NEMP2: variants seen among roughly 807,000 people sequenced by gnomAD.
NEMP2 encodes UPF0571 transmembrane protein.
In NEMP2, 53 loss-of-function variants were observed where a neutral mutation model predicts 54.2. The ratio of observed to expected loss-of-function variants is 0.98; its 90% CI spans 0.78 to 1.23. NEMP2 has a LOEUF of 1.23. Ranked by LOEUF, NEMP2 falls within the 50% of genes most tolerant of loss-of-function variation. The pLI is 0.00. For synonymous variants in NEMP2, 197 were observed against 190.3 expected (o/e 1.04, Z -0.29); for missense variants, 455 against 511.3 (o/e 0.89, Z 1.06).
the NEMP2 span, among the ~76,000 whole-genome samples, chr2:190,471,614 G>A: frequency 2.0e-5 from 3 of 152,200 alleles, no homozygotes; most frequent in Admixed American, 2.0e-4. This position sits in a 1 kb window ranked among gnomAD's most constrained non-coding sequence, Gnocchi z 4.7. Flanking sequence ...ACTGGGTGGA[G>A]CCCACCACAG....
the NEMP2 span, among the ~76,000 whole-genome samples, chr2:190,602,751 G>C: frequency 1.3e-5 from 2 of 152,204 alleles, no homozygotes; most frequent in Non-Finnish European, 2.9e-5. Flanking sequence ...GCAGAGAATG[G>C]GGAGAAAGGC....
intron 3 of NEMP2, 52 bp downstream of exon 3, chr2:190,518,900 T>A (rs1294743220): frequency 1.3e-6 from 2 of 1,520,010 alleles, no homozygotes; most frequent in Non-Finnish European, 1.8e-6. Flanking sequence ...ATTGAAAAGT[T>A]ACTCCAGAAA....
At chr2:190,423,642 G>A in the NEMP2 span, among the ~76,000 whole-genome samples, 1 of 152,026 alleles carries the variant, frequency 6.6e-6, no homozygotes, top group Non-Finnish European at 1.5e-5. This position sits in a 1 kb window ranked among gnomAD's most constrained non-coding sequence, Gnocchi z 4.3. Context: ...TCATTTATCT[G>A]GAATAAATTC....
At chr2:190,641,789 G>A in the NEMP2 span, among the ~76,000 whole-genome samples, 1 of 152,174 alleles carries the variant, frequency 6.6e-6, no homozygotes, top group Non-Finnish European at 1.5e-5. Flanking sequence ...GTGGATGCTG[G>A]GAGAAAAGGG....
the NEMP2 span, among the ~76,000 whole-genome samples, chr2:190,616,552 A>G: frequency 3.9e-5 from 6 of 152,210 alleles, no homozygotes; most frequent in Admixed American, 3.9e-4. The surrounding 1 kb of genome is among the most constrained non-coding windows in gnomAD (Gnocchi z 5.1). Context: ...AGCTTTATAA[A>G]CAGTGGCTTA....
chr2:190,612,534 C>A, the NEMP2 span, among the ~76,000 whole-genome samples: 6 of 152,118 alleles, frequency 3.9e-5, no homozygotes, highest in Admixed American at 3.3e-4. Context: ...TATAAAATAT[C>A]TTTTCTTTAA....
the NEMP2 span, among the ~76,000 whole-genome samples, chr2:190,637,995 G>A: frequency 6.6e-6 from 1 of 152,312 alleles, no homozygotes; most frequent in Middle Eastern, 3.4e-3. The surrounding 1 kb of genome is among the most constrained non-coding windows in gnomAD (Gnocchi z 4.5). Flanking sequence ...GCAGACATCA[G>A]TAACACACTG....
At position 190,509,106 on chromosome 2, in the gene NEMP2, G is replaced by T; in HGVS notation, c.*83C>A. 3.3e-6 allele frequency: 5 copies of T among 1,515,496 alleles called. No homozygotes were observed. The highest frequency in any genetic ancestry group is 4.4e-6 in the Non-Finnish European group (5 of 1,127,424). 93.9% of individuals were successfully genotyped at this position (1,515,496 alleles called of 1,614,324 possible). A position where few individuals can be genotyped will look rare whatever the true frequency, so the allele number is the denominator to read the frequency against. On this transcript the variant is annotated 3_prime_UTR_variant, in exon 9 of 9. Transcript: ENST00000409150. The surrounding 1 kb of genome is among the most constrained non-coding windows in gnomAD (Gnocchi z 6.1). ...CAAATGTTTTTGCCACCGTTCACTA[G>T]AACAGTTCTGCCTAACTTTAATAGA... is the stretch of plus-strand genomic sequence containing the variant.
the NEMP2 span, among the ~76,000 whole-genome samples, chr2:190,641,847 C>T: frequency 1.3e-5 from 2 of 152,082 alleles, no homozygotes; most frequent in Admixed American, 1.3e-4. Flanking sequence ...ACCACTGTTG[C>T]CAAAGATAGG....
At chr2:190,589,181 T>C in the NEMP2 span, among the ~76,000 whole-genome samples, 2 of 152,100 alleles carry the variant, frequency 1.3e-5, no homozygotes, top group Admixed American at 1.3e-4. The surrounding 1 kb of genome is among the most constrained non-coding windows in gnomAD (Gnocchi z 4.3). Context: ...CTGGAGCCTC[T>C]AGCAAAAGGA....
chr2:190,572,254 GA>G, the NEMP2 span, among the ~76,000 whole-genome samples: 1 of 151,632 alleles, frequency 6.6e-6, no homozygotes, highest in Non-Finnish European at 1.5e-5. Flanking sequence ...GAAATCTCAG[GA>G]AAAAAAGGAA....
the NEMP2 span, among the ~76,000 whole-genome samples, chr2:190,448,994 TAAAG>T: frequency 6.6e-6 from 1 of 152,366 alleles, no homozygotes; most frequent in South Asian, 2.1e-4. Context: ...GTATATGTTT[TAAAG>T]AAACATTTAT....
the NEMP2 span, among the ~76,000 whole-genome samples, chr2:190,486,517 C>A: frequency 6.6e-6 from 1 of 152,236 alleles, no homozygotes; most frequent in African/African-American, 2.4e-5. Flanking sequence ...AGATTTCAGA[C>A]TCTCATCAGT....
the NEMP2 span, among the ~76,000 whole-genome samples, chr2:190,596,099 G>A: frequency 6.6e-6 from 1 of 152,150 alleles, no homozygotes; most frequent in Non-Finnish European, 1.5e-5. This position sits in a 1 kb window ranked among gnomAD's most constrained non-coding sequence, Gnocchi z 5.1. Flanking sequence ...GTCTTTTGTA[G>A]GGACATGAAT....
chr2:190,423,503 C>T, the NEMP2 span, among the ~76,000 whole-genome samples: 1 of 152,194 alleles, frequency 6.6e-6, no homozygotes, highest in Admixed American at 6.5e-5. This position sits in a 1 kb window ranked among gnomAD's most constrained non-coding sequence, Gnocchi z 4.3. Flanking sequence ...CATAGTAAAG[C>T]TGTAGTACAA....
chr2:190,435,824 C>A, the NEMP2 span: 1 of 628,676 alleles, frequency 1.6e-6, no homozygotes, highest in Non-Finnish European at 2.5e-6. Flanking sequence ...TTTTCCTTAC[C>A]GGTATTGTGT....
the NEMP2 span, among the ~76,000 whole-genome samples, chr2:190,460,321 G>A: frequency 6.6e-6 from 1 of 151,982 alleles, no homozygotes; most frequent in East Asian, 1.9e-4. Context: ...ATATTTCTAG[G>A]CCTCTTTTTT....
chr2:190,601,042 C>A, the NEMP2 span, among the ~76,000 whole-genome samples: 1 of 152,118 alleles, frequency 6.6e-6, no homozygotes, highest in Non-Finnish European at 1.5e-5. This position sits in a 1 kb window ranked among gnomAD's most constrained non-coding sequence, Gnocchi z 5.8. Context: ...TGTTGAAGTC[C>A]TAACCCCTAG....
At chr2:190,475,302 A>G in the NEMP2 span, among the ~76,000 whole-genome samples, 1 of 151,914 alleles carries the variant, frequency 6.6e-6, no homozygotes, top group East Asian at 1.9e-4. Context: ...ACATGATTGT[A>G]TATCTAGAAA....
Sources: allele counts gnomAD v4.1 joint callset (sites outside exome capture counted in the v4.1 genomes callset), GRCh38; gene constraint gnomAD v4.1.1; non-coding constraint Gnocchi (gnomAD v3.1); transcripts MANE v1.5; gene names NCBI Gene and HGNC (gene_info 2026-07-23, HGNC 2026-07-21).